Variants in NMNAT2 observed in about 807,000 individuals in gnomAD.
NMNAT2 encodes the protein nicotinamide nucleotide adenylyltransferase 2, also known as nicotinamide/nicotinic acid mononucleotide adenylyltransferase 2.
In NMNAT2, 11 loss-of-function variants were observed where a neutral mutation model predicts 41.6. The ratio of observed to expected loss-of-function variants is 0.26; its 90% confidence interval spans 0.17 to 0.44. The LOEUF is 0.44. Ranked by LOEUF, NMNAT2 falls within the 20% of genes least tolerant of loss-of-function variation. The pLI is 1.00. For missense variants in NMNAT2, 288 were observed against 407.7 expected (o/e 0.71, Z 2.53); for synonymous variants, 148 against 151.2 (o/e 0.98, Z 0.16).
rs183456112 is a variant in NMNAT2, at chr1:183,366,361, A to G, written c.85+51822T>C. On this transcript the variant is annotated intron_variant, in intron 1 of 10. Coordinates refer to ENST00000287713, the MANE Select transcript of NMNAT2 (RefSeq NM_015039.4). Reference sequence around the variant, plus strand: ...GTCATTTTTAGAATTGAGCTATCACATGTGAAGTGCTTAGAATATTGGCAC... The same window carrying G: ...GTCATTTTTAGAATTGAGCTATCACGTGTGAAGTGCTTAGAATATTGGCAC... Among the ~76,000 whole-genome samples, 3 of 152,332 alleles carry G rather than the reference A, an allele frequency of 2.0e-5. No individual in the cohort carries two copies. In the East Asian group the frequency reaches 5.8e-4, roughly 29 times the overall value.
chr1:183,292,697 A>T, intron 3 of NMNAT2, 93 bp downstream of exon 3: 3 of 1,187,502 alleles, frequency 2.5e-6, no homozygotes, highest in South Asian at 1.3e-5. Flanking sequence ...TCCTTTCAGG[A>T]TCCAAATTAC....
At chr1:183,328,975 A>G (rs1294114088) in intron 1 of NMNAT2, among the ~76,000 whole-genome samples, 2 of 148,200 alleles carry the variant, frequency 1.3e-5, no homozygotes, top group African/African-American at 4.9e-5. Flanking sequence ...GTGCAGAGGT[A>G]GCAGAGGTAG....
In NMNAT2 at chr1:183,248,833, T is replaced by C. The variant is rs1177296844; in HGVS notation, c.*3808A>G. 1 of 152,210 alleles carries C rather than the reference T, an allele frequency of 6.6e-6. No individual in the cohort carries two copies. The highest frequency in any genetic ancestry group is 6.6e-5 in the Admixed American group (1 of 15,250). The allele number at this position is 152,210 out of a possible 1,614,324, so 9.4% of individuals were successfully genotyped here. A position where few individuals can be genotyped will look rare whatever the true frequency, so the allele number is the denominator to read the frequency against. On this transcript the variant is annotated 3_prime_UTR_variant, in exon 11 of 11. Coordinates refer to ENST00000287713, the MANE Select transcript of NMNAT2 (RefSeq NM_015039.4). ...CATATTCTACCGTTTTATTTTTGCA[T>C]TACTGTTTGGATGAGTAAAATGTAA...
At position 183,260,946 on chromosome 1, in the gene NMNAT2, G is replaced by A. The variant is rs542065087; in HGVS notation, c.821+56C>T. On this transcript the variant is annotated intron_variant, in intron 10 of 10. Coordinates refer to ENST00000287713, the MANE Select transcript of NMNAT2 (RefSeq NM_015039.4). ...GTCATCTTTGATGGAGGAAATTTATGTGGAGACTTATAAGACAGTTTGACT... is the reference window on the plus strand; with the variant it reads ...GTCATCTTTGATGGAGGAAATTTATATGGAGACTTATAAGACAGTTTGACT... The A allele has an allele frequency of 5.1e-6, 7 of 1,366,890 alleles. No homozygotes were observed. In the Admixed American group the frequency reaches 1.2e-4, roughly 23 times the overall value. The allele number at this position is 1,366,890 out of a possible 1,614,324, so 84.7% of individuals were successfully genotyped here. A position where few individuals can be genotyped will look rare whatever the true frequency, so the allele number is the denominator to read the frequency against.
intron 1 of NMNAT2, among the ~76,000 whole-genome samples, chr1:183,401,360 A>G (rs1648803164): frequency 6.6e-6 from 1 of 152,164 alleles, no homozygotes; most frequent in African/African-American, 2.4e-5. Context: ...CAAAACCACA[A>G]TGAGATACCA....
chr1:183,398,925 A>G (rs559785551), intron 1 of NMNAT2, among the ~76,000 whole-genome samples: 23 of 152,228 alleles, frequency 1.5e-4, no homozygotes, highest in Non-Finnish European at 2.2e-4. Flanking sequence ...TGTAGAGGGA[A>G]ATTTATAGCA....
At chr1:183,398,885 C>T (rs573905072) in intron 1 of NMNAT2, among the ~76,000 whole-genome samples, 140 of 152,238 alleles carry the variant, frequency 9.2e-4, no homozygotes, top group Middle Eastern at 3.4e-3. Flanking sequence ...CACAACATAC[C>T]AGAATCTCTG....
intron 10 of NMNAT2, 68 bp downstream of exon 10, chr1:183,260,934 G>C: frequency 7.9e-7 from 1 of 1,271,794 alleles, no homozygotes; most frequent in Non-Finnish European, 1.2e-6. Flanking sequence ...ATCTTTGATG[G>C]AGGAAATTTA....
chr1:183,389,740 GAAAGAAA>G (rs1648383481), intron 1 of NMNAT2, among the ~76,000 whole-genome samples: 1 of 6,306 alleles, frequency 1.6e-4, no homozygotes, highest in Non-Finnish European at 3.1e-4. Flanking sequence ...TGTCAAAAAA[GAAAGAAA>G]GAAAGAAAGA....
At chr1:183,315,862 T>G (rs1378563236) in intron 1 of NMNAT2, among the ~76,000 whole-genome samples, 2 of 151,416 alleles carry the variant, frequency 1.3e-5, no homozygotes, top group Admixed American at 6.6e-5. Context: ...CGTGTATATC[T>G]ATGTAATAAA....
chr1:183,268,219 AAC>A (rs1487532664), intron 8 of NMNAT2, among the ~76,000 whole-genome samples: 35 of 152,224 alleles, frequency 2.3e-4, no homozygotes, highest in African/African-American at 7.9e-4. Context: ...TCTTGGAAGG[AAC>A]GTAGAGTTTG....
intron 1 of NMNAT2, among the ~76,000 whole-genome samples, chr1:183,345,509 T>G (rs1662907769): frequency 6.6e-6 from 1 of 151,796 alleles, no homozygotes; most frequent in Admixed American, 6.6e-5. Flanking sequence ...GTAGAACTGG[T>G]GGCTTTATAA....
chr1:183,341,229 G>A (rs1662793587), intron 1 of NMNAT2, among the ~76,000 whole-genome samples: 1 of 152,204 alleles, frequency 6.6e-6, no homozygotes, highest in South Asian at 2.1e-4. Context: ...GTGGCTCACT[G>A]TGAGACTCTG....
chr1:183,370,229 C>T (rs1248277190), intron 1 of NMNAT2, among the ~76,000 whole-genome samples: 2 of 124,730 alleles, frequency 1.6e-5, no homozygotes, highest in African/African-American at 7.3e-5. Flanking sequence ...CACATACACA[C>T]ACACACACAC....
chr1:183,252,838 G>A, intron 10 of NMNAT2, 95 bp from the exon 11 acceptor site: 1 of 883,564 alleles, frequency 1.1e-6, no homozygotes, highest in South Asian at 1.4e-5. Flanking sequence ...CCCATTTGTA[G>A]CCTTTTCTCA....
intron 7 of NMNAT2, among the ~76,000 whole-genome samples, chr1:183,282,358 C>A (rs1332297509): frequency 3.3e-5 from 5 of 152,204 alleles, no homozygotes; most frequent in Admixed American, 3.3e-4. Context: ...CCCTGCCCCT[C>A]CCGAGGTAGC....
intron 1 of NMNAT2, among the ~76,000 whole-genome samples, chr1:183,296,004 A>T (rs1430175320): frequency 1.3e-5 from 2 of 151,184 alleles, no homozygotes; most frequent in Non-Finnish European, 2.9e-5. Context: ...GCCTACCACC[A>T]TGCCCAGCTA....
chr1:183,399,793 C>G (rs1157387269), intron 1 of NMNAT2, among the ~76,000 whole-genome samples: 1 of 152,180 alleles, frequency 6.6e-6, no homozygotes, highest in Non-Finnish European at 1.5e-5. Context: ...ATCATATAAA[C>G]AGAACCAAAG....
chr1:183,319,483 G>T (rs1241990998), intron 1 of NMNAT2, among the ~76,000 whole-genome samples: 1 of 152,248 alleles, frequency 6.6e-6, no homozygotes, highest in African/African-American at 2.4e-5. Flanking sequence ...CTCAGAGGCA[G>T]CAGGAGAGTC....
Sources: gnomAD v4.1 joint callset for allele counts (sites outside exome capture counted in the v4.1 genomes callset) on GRCh38, gnomAD v4.1.1 for gene constraint, MANE v1.5 for transcripts, NCBI Gene and HGNC (gene_info 2026-07-23, HGNC 2026-07-21) for gene names.